DPH6: variants seen among roughly 807,000 people sequenced by gnomAD.
DPH6 encodes the protein diphthine--ammonia ligase.
Under a neutral mutation model 38.2 loss-of-function variants are expected in DPH6, and 33 were observed. That is an observed-to-expected ratio of 0.86 (90% CI 0.65 to 1.15). The LOEUF (loss-of-function observed/expected upper bound fraction) is 1.15, where lower values mean the gene tolerates loss of function less well. Among genes scored for constraint, DPH6 ranks in the 50% most tolerant of loss-of-function variants. The probability of loss-of-function intolerance (pLI) is 0.00; values close to 1 mark genes in which losing one functional copy is unlikely to be tolerated. For synonymous variants in DPH6, 108 were observed against 103.0 expected (o/e 1.05, Z -0.30); for missense variants, 325 against 320.0 (o/e 1.02, Z -0.12).
intron 3 of DPH6, among the ~76,000 whole-genome samples, chr15:35,356,072 G>A (rs546712784): frequency 6.6e-6 from 1 of 152,124 alleles, no homozygotes; most frequent in Admixed American, 6.5e-5. Context: ...CCAGTTGATC[G>A]AATCGGTATT....
At chr15:35,480,979 A>C (rs1452365178) in intron 3 of DPH6, among the ~76,000 whole-genome samples, 1 of 2,472 alleles carries the variant, frequency 4.0e-4, no homozygotes, top group Non-Finnish European at 7.5e-4. Flanking sequence ...GGTATTCTTT[A>C]AAAAAAAAAA....
At position 35,322,506 on chromosome 15, in the gene DPH6, G is replaced by A. The variant is rs534030511; in HGVS notation, n.200+51015C>T. Among the ~76,000 whole-genome samples, 12 of 152,202 alleles carry A rather than the reference G, an allele frequency of 7.9e-5. No individual in the cohort carries two copies. The East Asian group carries it at 1.2e-3, about 15-fold the overall frequency. On this transcript the variant is annotated intron_variant and non_coding_transcript_variant, in intron 3 of 3. Transcript: ENST00000560386. ...CATAATTTTGCAAAGGCAGTTTCAC[G>A]ACCATTTTCTAATAATTTTTGGTCA...
chr15:35,195,951 A>G, the DPH6 span, among the ~76,000 whole-genome samples: 1 of 152,128 alleles, frequency 6.6e-6, no homozygotes, highest in Non-Finnish European at 1.5e-5. Flanking sequence ...GAGAGACAAA[A>G]GAACTTACAA....
intron 3 of DPH6, among the ~76,000 whole-genome samples, chr15:35,464,606 C>G (rs556342801): frequency 6.6e-6 from 1 of 152,278 alleles, no homozygotes; most frequent in Admixed American, 6.5e-5. Flanking sequence ...AATAATTTAT[C>G]TGTCAACAAA....
At chr15:35,391,611 G>A (rs1011727170) in intron 6 of DPH6, among the ~76,000 whole-genome samples, 19 of 152,174 alleles carry the variant, frequency 1.2e-4, no homozygotes, top group African/African-American at 4.3e-4. Context: ...AGCAGTAAGC[G>A]AGGCTCCGTG....
At chr15:35,470,258 G>T (rs1049293330) in intron 3 of DPH6, among the ~76,000 whole-genome samples, 4 of 151,916 alleles carry the variant, frequency 2.6e-5, no homozygotes, top group Admixed American at 2.6e-4. Flanking sequence ...AGAACAGAGG[G>T]ATAGACAGAA....
At chr15:35,522,647 T>C (rs2054938886) in intron 3 of DPH6, among the ~76,000 whole-genome samples, 1 of 152,140 alleles carries the variant, frequency 6.6e-6, no homozygotes. Context: ...ATAGGAAAGA[T>C]TTCCTTTCCC....
intron 3 of DPH6, among the ~76,000 whole-genome samples, chr15:35,236,123 T>G (rs2051549276): frequency 6.6e-6 from 1 of 152,226 alleles, no homozygotes; most frequent in Non-Finnish European, 1.5e-5. Context: ...GTACCAGATA[T>G]CTGCCATATT....
chr15:35,232,632 A>C (rs2051526157), intron 3 of DPH6, among the ~76,000 whole-genome samples: 1 of 152,104 alleles, frequency 6.6e-6, no homozygotes, highest in African/African-American at 2.4e-5. Flanking sequence ...CAATATATAT[A>C]TATCCAAGGC....
rs2053975394 is a variant in DPH6, at chr15:35,454,741, T to C, written c.386+6A>G. The C allele has an allele frequency of 6.2e-7, 1 of 1,603,600 alleles. No individual in the cohort carries two copies. Among genetic ancestry groups the C allele is most frequent in the Admixed American group, 1.7e-5 (1 of 58,912 alleles). On this transcript the variant is annotated splice_donor_region_variant and intron_variant, in intron 4 of 8. Coordinates refer to ENST00000256538, the MANE Select transcript of DPH6 (RefSeq NM_080650.4). ...TTTTAAAACTAACAAATTAATGTTT[T>C]CTTACACATTTTCCACTCGAATACG... is the stretch of plus-strand genomic sequence containing the variant.
At chr15:35,337,971 C>T (rs556815757) in intron 3 of DPH6, among the ~76,000 whole-genome samples, 1 of 151,802 alleles carries the variant, frequency 6.6e-6, no homozygotes, top group Non-Finnish European at 1.5e-5. Flanking sequence ...GGAAAACTGG[C>T]TAGCCATTGT....
At chr15:35,200,647 TA>T in the DPH6 span, among the ~76,000 whole-genome samples, 2 of 151,870 alleles carry the variant, frequency 1.3e-5, no homozygotes, top group Non-Finnish European at 2.9e-5. Context: ...ATTCTAATTA[TA>T]TACCATAAAG....
chr15:35,460,785 A>G (rs1595384218), intron 3 of DPH6, among the ~76,000 whole-genome samples: 1 of 152,098 alleles, frequency 6.6e-6, no homozygotes, highest in Non-Finnish European at 1.5e-5. Flanking sequence ...ATCTCTGTCA[A>G]TATGAATCAC....
At position 35,522,030 on chromosome 15, in the gene DPH6, C is replaced by T. The variant is rs2054929321; in HGVS notation, c.312+16244G>A. On this transcript the variant is annotated intron_variant, in intron 3 of 8. Transcript: ENST00000256538. ...TGAAAAACAGGGACAGATCAGCATCCAATTAGTATGTCTAAGTTTTTAAAC... is the reference window on the plus strand; with the variant it reads ...TGAAAAACAGGGACAGATCAGCATCTAATTAGTATGTCTAAGTTTTTAAAC... 3 of 1,561,958 alleles carry T rather than the reference C, an allele frequency of 1.9e-6. No homozygotes were observed. In the African/African-American group the frequency reaches 4.1e-5, roughly 21 times the overall value.
intron 3 of DPH6, among the ~76,000 whole-genome samples, chr15:35,303,080 T>G (rs1366064500): frequency 1.3e-5 from 2 of 152,116 alleles, no homozygotes; most frequent in Non-Finnish European, 2.9e-5. Flanking sequence ...CTTACACAGG[T>G]GACAATGTGG....
At chr15:35,432,507 A>G (rs1453056828) in intron 5 of DPH6, among the ~76,000 whole-genome samples, 1 of 152,222 alleles carries the variant, frequency 6.6e-6, no homozygotes, top group Non-Finnish European at 1.5e-5. Context: ...ATCAAACTGA[A>G]AGCATTTCCT....
At chr15:35,358,218 T>G (rs2052583988) in intron 3 of DPH6, among the ~76,000 whole-genome samples, 1 of 152,178 alleles carries the variant, frequency 6.6e-6, no homozygotes, top group Non-Finnish European at 1.5e-5. Context: ...GTGTCTAAAG[T>G]TTTCTGAATT....
rs1277172991 is a variant in DPH6, at chr15:35,436,514, C to CAAAAAA, written c.505+14165_505+14170dup. Among the ~76,000 whole-genome samples the CAAAAAA allele has an allele frequency of 2.0e-3, 248 of 123,210 alleles. 15 individuals are homozygous for CAAAAAA. Among genetic ancestry groups the CAAAAAA allele is most frequent in the African/African-American group, 7.7e-3 (232 of 30,068 alleles). The allele number at this position is 123,210 out of a possible 152,430, so 80.8% of individuals were successfully genotyped here. A position where few individuals can be genotyped will look rare whatever the true frequency, so the allele number is the denominator to read the frequency against. ...CAAAACAAAACAAAACAAAACAAAA[C>CAAAAAA]AAAAAAGGTTCTCTCCCTGTTCGTC... On this transcript the variant is annotated intron_variant, in intron 5 of 8. Coordinates refer to ENST00000256538, the MANE Select transcript of DPH6 (RefSeq NM_080650.4).
rs148080947 is a variant in DPH6, at chr15:35,345,930, G to A, written n.208-14853C>T. Among the ~76,000 whole-genome samples, 7 of 151,996 alleles carry A rather than the reference G, an allele frequency of 4.6e-5. No homozygotes were observed. In the East Asian group the frequency reaches 1.4e-3, roughly 29 times the overall value. Reference sequence around the variant, plus strand: ...GGGTGATAAAATTATAACTTTTGGGGTTATCTTTTCTACTTGACATAAAAT... The same window carrying A: ...GGGTGATAAAATTATAACTTTTGGGATTATCTTTTCTACTTGACATAAAAT... On this transcript the variant is annotated intron_variant and non_coding_transcript_variant, in intron 3 of 3. Coordinates refer to the DPH6 transcript ENST00000558973.
Sources: gnomAD v4.1 joint callset for allele counts (sites outside exome capture counted in the v4.1 genomes callset) on GRCh38, gnomAD v4.1.1 for gene constraint, MANE v1.5 for transcripts, NCBI Gene and HGNC (gene_info 2026-07-23, HGNC 2026-07-21) for gene names.